ATRNL1: variants seen among roughly 807,000 people sequenced by gnomAD.
ATRNL1 encodes the protein attractin like 1, also known as attractin-like protein 1.
ATRNL1 carries 95 observed loss-of-function variants against 182.7 expected under a neutral mutation model. That is an observed-to-expected ratio of 0.52 (90% CI 0.44 to 0.62). The LOEUF (loss-of-function observed/expected upper bound fraction) is 0.62, where lower values mean the gene tolerates loss of function less well. Among genes scored for constraint, ATRNL1 ranks in the 20% least tolerant of loss-of-function variants. ATRNL1 has a pLI of 0.00. For synonymous variants in ATRNL1, 576 were observed against 568.3 expected, an observed-to-expected ratio of 1.01 and a Z score of -0.19; for missense variants, 1,471 against 1,679.5, an observed-to-expected ratio of 0.88 and a Z score of 2.17.
intron 26 of ATRNL1, among the ~76,000 whole-genome samples, chr10:115,636,534 T>C (rs1471392237): frequency 6.6e-6 from 1 of 152,228 alleles, no homozygotes; most frequent in Admixed American, 6.5e-5. Context: ...ACAAAGAGAA[T>C]GCCTACTAAA....
intron 5 of ATRNL1, among the ~76,000 whole-genome samples, chr10:115,132,948 T>G (rs1190491002): frequency 6.6e-6 from 1 of 152,250 alleles, no homozygotes; most frequent in African/African-American, 2.4e-5. Flanking sequence ...AGATCCCATT[T>G]GCCAATTTTG....
intron 24 of ATRNL1, among the ~76,000 whole-genome samples, chr10:115,511,121 T>C (rs1184251068): frequency 6.7e-6 from 1 of 149,750 alleles, no homozygotes; most frequent in East Asian, 1.9e-4. Flanking sequence ...GAAATATGTT[T>C]TATTTTGTCT....
At chr10:115,637,862 A>T (rs1858985179) in intron 26 of ATRNL1, among the ~76,000 whole-genome samples, 1 of 151,964 alleles carries the variant, frequency 6.6e-6, no homozygotes, top group African/African-American at 2.4e-5. Flanking sequence ...TGACCTCGTG[A>T]TCTGCCTGCC....
intron 27 of ATRNL1, among the ~76,000 whole-genome samples, chr10:115,831,822 A>G (rs141640139): frequency 6.6e-6 from 1 of 151,966 alleles, no homozygotes; most frequent in Non-Finnish European, 1.5e-5. Flanking sequence ...TAGGTGCTTT[A>G]AAAAAGTCAA....
intron 27 of ATRNL1, among the ~76,000 whole-genome samples, chr10:115,786,765 A>G (rs2134202284): frequency 6.6e-6 from 1 of 152,292 alleles, no homozygotes; most frequent in East Asian, 1.9e-4. Flanking sequence ...CTTTTAGGTG[A>G]CAAGACACTA....
chr10:115,811,759 A>T (rs1404158231), intron 27 of ATRNL1, among the ~76,000 whole-genome samples: 1 of 151,964 alleles, frequency 6.6e-6, no homozygotes, highest in African/African-American at 2.4e-5. Context: ...CTATTCCTTG[A>T]TCTGAAGTCG....
intron 10 of ATRNL1, among the ~76,000 whole-genome samples, chr10:115,251,517 T>G (rs1850877228): frequency 6.6e-6 from 1 of 152,252 alleles, no homozygotes; most frequent in Admixed American, 6.5e-5. Flanking sequence ...CTAAGTTCTG[T>G]TACAGTTGCT....
intron 27 of ATRNL1, among the ~76,000 whole-genome samples, chr10:115,754,435 T>C (rs955077790): frequency 5.3e-5 from 8 of 152,190 alleles, no homozygotes; most frequent in African/African-American, 1.7e-4. Context: ...AGGGAATCCT[T>C]TCCCCACTTC....
chr10:115,334,296 G>T lies in ATRNL1; in HGVS notation c.3052G>T (p.Gly1018Ter). Reference protein sequence around the residue: ...FIQCPACQCNGHSTCINNNVC... With the variant: ...FIQCPACQCN ...GTTTCCTTTAGCTTGCCAGTGTAAT[G>T]GACATAGCACTTGCATCAATAATAA... The change falls in exon 19 of 29, where the codon GGA becomes TGA. Residue 1018 changes from glycine (G) to a stop codon, truncating the protein, a stop_gained. Coordinates refer to ENST00000355044, the MANE Select transcript of ATRNL1 (RefSeq NM_207303.4). LOFTEE classifies it high-confidence loss of function. 1 of 1,564,486 alleles carries T rather than the reference G, an allele frequency of 6.4e-7. No homozygotes were observed. Among genetic ancestry groups the T allele is most frequent in the Non-Finnish European group, 8.7e-7 (1 of 1,147,918 alleles).
intron 8 of ATRNL1, among the ~76,000 whole-genome samples, chr10:115,205,538 CTT>C (rs1848762638): frequency 6.6e-6 from 1 of 151,414 alleles, no homozygotes; most frequent in Non-Finnish European, 1.5e-5. Context: ...GTTTTTTATT[CTT>C]GTTTCCTTTT....
intron 21 of ATRNL1, among the ~76,000 whole-genome samples, chr10:115,449,275 G>A: frequency 6.6e-6 from 1 of 152,202 alleles, no homozygotes; most frequent in East Asian, 1.9e-4. Flanking sequence ...TTGGAGAGAA[G>A]CAGCTTGACT....
intron 25 of ATRNL1, among the ~76,000 whole-genome samples, chr10:115,529,360 T>G (rs907012327): frequency 1.3e-4 from 19 of 151,920 alleles, no homozygotes; most frequent in Non-Finnish European, 2.4e-4. Context: ...CTTGTTATAT[T>G]TTGTGTATGT....
intron 21 of ATRNL1, among the ~76,000 whole-genome samples, chr10:115,426,826 G>A (rs1374289589): frequency 6.6e-6 from 1 of 152,176 alleles, no homozygotes; most frequent in African/African-American, 2.4e-5. Context: ...CCAGGTTCAA[G>A]TGATTCTCCA....
chr10:115,898,731 A>G (rs1464724705), intron 28 of ATRNL1, among the ~76,000 whole-genome samples: 1 of 152,220 alleles, frequency 6.6e-6, no homozygotes, highest in Non-Finnish European at 1.5e-5. Flanking sequence ...GCAGAACCGT[A>G]ATGAATGACG....
At chr10:115,344,021 G>A (rs1554939055) in intron 19 of ATRNL1, among the ~76,000 whole-genome samples, 1 of 152,146 alleles carries the variant, frequency 6.6e-6, no homozygotes, top group African/African-American at 2.4e-5. Context: ...AAAGCTGGGG[G>A]TGGAGTGACA....
intron 1 of ATRNL1, among the ~76,000 whole-genome samples, chr10:115,095,820 T>TA (rs1283178714): frequency 6.6e-6 from 1 of 152,172 alleles, no homozygotes; most frequent in African/African-American, 2.4e-5. Context: ...CCTCATCCAT[T>TA]TTTTACATTT....
Position 115,264,919 on chromosome 10 carries a change from A to G in ATRNL1, c.1688-274A>G, listed in dbSNP as rs868920348. On this transcript the variant is annotated intron_variant, in intron 10 of 28. Coordinates refer to ENST00000355044, the MANE Select transcript of ATRNL1 (RefSeq NM_207303.4). Reference sequence around the variant, plus strand: ...TATGTCTTCGAAATTATCTTCCAATATAAAATACCTCTAAGTTCATTCTTT... The same window carrying G: ...TATGTCTTCGAAATTATCTTCCAATGTAAAATACCTCTAAGTTCATTCTTT... 1.4e-4 allele frequency among the ~76,000 whole-genome samples: 22 copies of G among 151,798 alleles called. No homozygotes were observed. In the Middle Eastern group the frequency reaches 0.017, roughly 117 times the overall value.
At chr10:115,197,960 G>A (rs1317937898) in intron 8 of ATRNL1, among the ~76,000 whole-genome samples, 2 of 152,106 alleles carry the variant, frequency 1.3e-5, no homozygotes, top group Non-Finnish European at 2.9e-5. Flanking sequence ...TGGCTATTGA[G>A]ACTAATGTTA....
At position 115,315,509 on chromosome 10, in the gene ATRNL1, G is replaced by A. The variant is rs1310948781; in HGVS notation, c.2819-9G>A. 1.1e-5 allele frequency: 17 copies of A among 1,595,010 alleles called. No homozygotes were observed. The highest frequency in any genetic ancestry group is 1.5e-5 in the Non-Finnish European group (17 of 1,165,338). On this transcript the variant is annotated splice_polypyrimidine_tract_variant and intron_variant, in intron 17 of 28. Coordinates refer to ENST00000355044, the MANE Select transcript of ATRNL1 (RefSeq NM_207303.4). ...TGTTAACATATTTGTCAATGTTCCT[G>A]TCACGCAGCTCAAAATTGTTCTGGA...
Sources: allele counts gnomAD v4.1 joint callset (sites outside exome capture counted in the v4.1 genomes callset), GRCh38; gene constraint gnomAD v4.1.1; transcripts MANE v1.5; gene names NCBI Gene and HGNC (gene_info 2026-07-23, HGNC 2026-07-21).